Variants in B3GALT1 observed in about 807,000 individuals in gnomAD.
B3GALT1 encodes beta-1,3-galactosyltransferase 1, also known as UDP-Gal:betaGlcNAc beta 1,3-galactosyltransferase, polypeptide 1.
B3GALT1 carries 10 observed loss-of-function variants against 23.2 expected under a neutral mutation model. The ratio of observed to expected loss-of-function variants is 0.43; its 90% CI spans 0.27 to 0.73. The LOEUF (loss-of-function observed/expected upper bound fraction) is 0.73, where lower values mean the gene tolerates loss of function less well. Among genes scored for constraint, B3GALT1 ranks in the 30% least tolerant of loss-of-function variants. The pLI is 0.21. For synonymous variants in B3GALT1, 156 were observed against 141.5 expected (o/e 1.10, Z -0.73); for missense variants, 299 against 405.4 (o/e 0.74, Z 2.25).
chr2:167,643,858 C>T (rs1685697211), intron 2 of B3GALT1, among the ~76,000 whole-genome samples: 1 of 152,192 alleles, frequency 6.6e-6, no homozygotes, highest in Non-Finnish European at 1.5e-5. Context: ...TGATTATTAT[C>T]ATACAAGTTA....
At chr2:167,371,588 C>T (rs544360424) in intron 1 of B3GALT1, among the ~76,000 whole-genome samples, 73 of 152,020 alleles carry the variant, frequency 4.8e-4, no homozygotes, top group African/African-American at 1.6e-3. Flanking sequence ...CCTTATCTGA[C>T]GAAGGTAATA....
At chr2:167,836,508 T>C (rs377728358) in intron 4 of B3GALT1, among the ~76,000 whole-genome samples, 1,522 of 152,022 alleles carry the variant, frequency 0.01, 21 homozygotes, top group Middle Eastern at 0.014. Context: ...ACAAAGCCTC[T>C]AAGAAATATG....
intron 4 of B3GALT1, among the ~76,000 whole-genome samples, chr2:167,825,297 A>AAG (rs923197583): frequency 1.3e-4 from 20 of 149,616 alleles, no homozygotes; most frequent in Admixed American, 1.2e-3. Context: ...AAAAAAAAAA[A>AAG]AACAGAAAAA....
chr2:167,565,012 A>T (rs1218561983), intron 2 of B3GALT1, among the ~76,000 whole-genome samples: 1 of 152,144 alleles, frequency 6.6e-6, no homozygotes, highest in Non-Finnish European at 1.5e-5. Flanking sequence ...ACTACTTTAA[A>T]TTTCATATGG....
At chr2:167,547,206 CAT>C (rs756048461) in intron 2 of B3GALT1, among the ~76,000 whole-genome samples, 1 of 152,300 alleles carries the variant, frequency 6.6e-6, no homozygotes, top group African/African-American at 2.4e-5. Context: ...AGAGCAGCCA[CAT>C]GTTTCAACAG....
chr2:167,322,818 A>G (rs1222283017), intron 1 of B3GALT1, among the ~76,000 whole-genome samples: 8 of 152,020 alleles, frequency 5.3e-5, no homozygotes, highest in Admixed American at 5.2e-4. Flanking sequence ...CTTGATTTTA[A>G]ACTTATAATT....
At chr2:167,561,003 AT>A (rs1459966975) in intron 2 of B3GALT1, among the ~76,000 whole-genome samples, 9 of 151,844 alleles carry the variant, frequency 5.9e-5, no homozygotes. Flanking sequence ...CAGAATATAC[AT>A]TTTTTTCAGT....
At chr2:167,606,273 T>G (rs1330950928) in intron 2 of B3GALT1, among the ~76,000 whole-genome samples, 1 of 152,154 alleles carries the variant, frequency 6.6e-6, no homozygotes, top group African/African-American at 2.4e-5. Context: ...TATACTTAAT[T>G]GAAAGAAACC....
chr2:167,425,672 GT>G (rs1698612314), intron 1 of B3GALT1, among the ~76,000 whole-genome samples: 1 of 152,120 alleles, frequency 6.6e-6, no homozygotes, highest in African/African-American at 2.4e-5. Context: ...TTGATATTCA[GT>G]GCCAGCTTTT....
chr2:167,705,904 C>T (rs1238510268), intron 3 of B3GALT1, among the ~76,000 whole-genome samples: 1 of 152,178 alleles, frequency 6.6e-6, no homozygotes, highest in African/African-American at 2.4e-5. Flanking sequence ...GGCTATTGGA[C>T]ACGATATTGG....
intron 1 of B3GALT1, among the ~76,000 whole-genome samples, chr2:167,303,682 C>CACACACACACACAGAG (rs535369991): frequency 1.3e-5 from 2 of 148,724 alleles, no homozygotes; most frequent in South Asian, 2.2e-4. Flanking sequence ...CACACACACA[C>CACACACACACACAGAG]AGAGAGAGAC....
At chr2:167,819,932 T>C (rs941968230) in intron 4 of B3GALT1, among the ~76,000 whole-genome samples, 1 of 152,202 alleles carries the variant, frequency 6.6e-6, no homozygotes, top group Admixed American at 6.5e-5. Context: ...GGAAGGAATG[T>C]GCAGTTTGTT....
chr2:167,826,212 G>A (rs747663284), intron 4 of B3GALT1, among the ~76,000 whole-genome samples: 12 of 152,120 alleles, frequency 7.9e-5, no homozygotes, highest in Admixed American at 5.2e-4. Flanking sequence ...CTTGACTCCC[G>A]GTCTTGCGCT....
intron 3 of B3GALT1, among the ~76,000 whole-genome samples, chr2:167,818,444 T>C (rs571194484): frequency 6.6e-6 from 1 of 152,322 alleles, no homozygotes; most frequent in South Asian, 2.1e-4. Context: ...CTTGAAGGCA[T>C]CTGAGTTTGT....
intron 2 of B3GALT1, among the ~76,000 whole-genome samples, chr2:167,560,031 A>G (rs1300370306): frequency 6.6e-6 from 1 of 152,196 alleles, no homozygotes; most frequent in African/African-American, 2.4e-5. Flanking sequence ...AAATGAAGGA[A>G]AAAATGTTAA....
At chr2:167,446,990 G>A (rs1574082690) in intron 1 of B3GALT1, among the ~76,000 whole-genome samples, 2 of 152,150 alleles carry the variant, frequency 1.3e-5, no homozygotes, top group East Asian at 1.9e-4. Context: ...CATCTTTGTG[G>A]TTTTATCTAC....
intron 1 of B3GALT1, among the ~76,000 whole-genome samples, chr2:167,460,874 T>G (rs2105325415): frequency 6.6e-6 from 1 of 152,348 alleles, no homozygotes; most frequent in African/African-American, 2.4e-5. Context: ...TTTCTGAGCC[T>G]GTGCCTTTCC....
chr2:167,467,811 A>G (rs1699370198), intron 1 of B3GALT1, among the ~76,000 whole-genome samples: 1 of 152,194 alleles, frequency 6.6e-6, no homozygotes, highest in African/African-American at 2.4e-5. Flanking sequence ...GTGTGAGATT[A>G]ATGTATTCAT....
intron 3 of B3GALT1, among the ~76,000 whole-genome samples, chr2:167,673,717 A>C (rs1276521808): frequency 6.6e-6 from 1 of 152,086 alleles, no homozygotes; most frequent in Non-Finnish European, 1.5e-5. Flanking sequence ...CAAATTATCC[A>C]ATTAGTAATC....
Sources: allele counts gnomAD v4.1 joint callset (sites outside exome capture counted in the v4.1 genomes callset), GRCh38; gene constraint gnomAD v4.1.1; transcripts MANE v1.5; gene names NCBI Gene and HGNC (gene_info 2026-07-23, HGNC 2026-07-21).